ZNF609: variants seen among roughly 807,000 people sequenced by gnomAD.
ZNF609 encodes the protein zinc finger protein 609.
Under a neutral mutation model 109.5 loss-of-function variants are expected in ZNF609, and 11 were observed. The observed-to-expected ratio is 0.10, with a 90% CI of 0.06 to 0.17. ZNF609 has a LOEUF of 0.17. ZNF609 is among the 10% of genes least tolerant of loss of function. The probability of loss-of-function intolerance (pLI) is 1.00; values close to 1 mark genes in which losing one functional copy is unlikely to be tolerated. For synonymous variants in ZNF609, 646 were observed against 662.0 expected (o/e 0.98, Z 0.37); for missense variants, 1,559 against 1,772.4 (o/e 0.88, Z 2.16).
intron 2 of ZNF609, among the ~76,000 whole-genome samples, chr15:64,547,680 G>A (rs1421090508): frequency 1.3e-5 from 2 of 151,774 alleles, no homozygotes; most frequent in South Asian, 4.2e-4. Flanking sequence ...TATTTTGTTA[G>A]TGAGTCCCCA....
chr15:64,670,790 A>G (rs1039101640), intron 4 of ZNF609, among the ~76,000 whole-genome samples: 7 of 151,310 alleles, frequency 4.6e-5, no homozygotes, highest in African/African-American at 1.7e-4. Context: ...AGGCAGGAGA[A>G]TCGCTTGAAC....
At chr15:64,505,055 A>G (rs952822065) in intron 2 of ZNF609, among the ~76,000 whole-genome samples, 1 of 152,236 alleles carries the variant, frequency 6.6e-6, no homozygotes, top group African/African-American at 2.4e-5. Flanking sequence ...CTTGTTTTTC[A>G]CAGTGACTTT....
At chr15:64,678,857 G>C (rs978359867) in intron 6 of ZNF609, among the ~76,000 whole-genome samples, 2 of 152,212 alleles carry the variant, frequency 1.3e-5, no homozygotes, top group African/African-American at 4.8e-5. Flanking sequence ...AAAAGAAGTA[G>C]AGCCATTGAG....
intron 2 of ZNF609, among the ~76,000 whole-genome samples, chr15:64,523,717 C>G (rs2140366240): frequency 6.6e-6 from 1 of 151,302 alleles, no homozygotes; most frequent in East Asian, 1.9e-4. Flanking sequence ...GAGCAGAGAT[C>G]ACGCCACTGC....
chr15:64,499,537 G>A lies in ZNF609; in HGVS notation c.118G>A (p.Ala40Thr), dbSNP rs1389055654. 1.2e-6 allele frequency: 2 copies of A among 1,614,002 alleles called. No individual in the cohort carries two copies. The highest frequency in any genetic ancestry group is 1.7e-5 in the Admixed American group (1 of 59,982). The change falls in exon 2 of 10, where the codon GCC becomes ACC. Residue 40 changes from alanine to threonine, a missense_variant. Around this residue, in one of 4 missense-constraint regions of ZNF609, gnomAD observed 26 missense variants for 58.4 expected, o/e 0.44. Coordinates refer to ENST00000326648, the MANE Select transcript of ZNF609 (RefSeq NM_015042.2). ...GVGNLIIDLD[A>T]DLEKDQQKLE... ...AGGGAATCTCATCATTGACCTGGAC[G>A]CCGATCTGGAAAAGGACCAGCAGAA... is the stretch of plus-strand genomic sequence containing the variant.
At position 64,674,547 on chromosome 15, in the gene ZNF609, G is replaced by A. The variant is rs770136329; in HGVS notation, c.1693G>A (p.Ala565Thr). 3.1e-6 allele frequency: 5 copies of A among 1,613,996 alleles called. No individual in the cohort carries two copies. Among genetic ancestry groups the A allele is most frequent in the Non-Finnish European group, 3.4e-6 (4 of 1,180,030 alleles). Residue 565 changes from alanine (A) to threonine (T), a missense_variant, in exon 5 of 10, where the codon GCT becomes ACT. Physicochemically the swap from Ala to Thr is moderately conservative, Grantham distance 58. Transcript: ENST00000326648. ...QKGSLSPARSATPKVRLVEPH... is the reference protein window; with the variant it reads ...QKGSLSPARSTTPKVRLVEPH... Reference sequence around the variant, plus strand: ...AGGTTCCTTGTCCCCTGCCCGCTCAGCTACCCCCAAAGTTCGACTTGTAGA... The same window carrying A: ...AGGTTCCTTGTCCCCTGCCCGCTCAACTACCCCCAAAGTTCGACTTGTAGA...
At chr15:64,676,288 C>G in intron 5 of ZNF609, 32 bp downstream of exon 5, 1 of 1,557,870 alleles carries the variant, frequency 6.4e-7, no homozygotes, top group Non-Finnish European at 8.7e-7. Context: ...AGTGGAAATA[C>G]CGTATGGTAA....
At position 64,683,156 on chromosome 15, in the gene ZNF609, G is replaced by C. The variant is rs138940773; in HGVS notation, c.*1470G>C. On this transcript the variant is annotated 3_prime_UTR_variant, in exon 10 of 10. Transcript: ENST00000326648. The stretch of plus-strand genomic sequence containing the variant: ...GAGCTTAGCTTACTTGGCTTTTGAG[G>C]TATCATCCCTCTGTTCTCCCCTCCT... 2.3e-4 allele frequency: 35 copies of C among 152,654 alleles called. No homozygotes were observed. Among genetic ancestry groups the C allele is most frequent in the African/African-American group, 8.4e-4 (35 of 41,526 alleles). 9.5% of individuals were successfully genotyped at this position (152,654 alleles called of 1,614,324 possible). A position where few individuals can be genotyped will look rare whatever the true frequency, so the allele number is the denominator to read the frequency against.
chr15:64,523,640 G>C (rs1893925793), intron 2 of ZNF609, among the ~76,000 whole-genome samples: 1 of 151,954 alleles, frequency 6.6e-6, no homozygotes, highest in Admixed American at 6.6e-5. Flanking sequence ...ATGCACACTT[G>C]TAATCCCAGC....
At chr15:64,619,725 C>T (rs945813223) in intron 2 of ZNF609, among the ~76,000 whole-genome samples, 3 of 152,160 alleles carry the variant, frequency 2.0e-5, no homozygotes, top group Non-Finnish European at 4.4e-5. Flanking sequence ...TTAATGAGTT[C>T]CTCATGTGTA....
intron 2 of ZNF609, among the ~76,000 whole-genome samples, chr15:64,598,938 T>C (rs1185910229): frequency 6.6e-6 from 1 of 150,530 alleles, no homozygotes; most frequent in Non-Finnish European, 1.5e-5. Context: ...TACATACTCT[T>C]ACCAACTGGG....
chr15:64,580,533 G>GTTCTT (rs759320801), intron 2 of ZNF609, among the ~76,000 whole-genome samples: 86 of 142,738 alleles, frequency 6.0e-4, no homozygotes, highest in African/African-American at 1.7e-3. Context: ...AACTCTCTCA[G>GTTCTT]TTCTTTTCTT....
At position 64,574,517 on chromosome 15, in the gene ZNF609, G is replaced by T. The variant is rs371827794; in HGVS notation, c.748-48310G>T. Among the ~76,000 whole-genome samples the T allele has an allele frequency of 1.7e-3, 255 of 152,172 alleles. 9 individuals are homozygous for T. In the South Asian group the frequency reaches 0.049, roughly 29 times the overall value. ...CTTTCACTCTTTCTTCCCTTTGTTG[G>T]TGGCTACAGGCAAGTATATGAGAGA... On this transcript the variant is annotated intron_variant, in intron 2 of 9. Transcript: ENST00000326648.
chr15:64,569,630 A>G (rs1400504950), intron 2 of ZNF609, among the ~76,000 whole-genome samples: 1 of 152,230 alleles, frequency 6.6e-6, no homozygotes, highest in Non-Finnish European at 1.5e-5. Context: ...CTGGGGTTAG[A>G]GGGCTCCCTT....
chr15:64,606,604 T>G (rs1049333533), intron 2 of ZNF609, among the ~76,000 whole-genome samples: 1 of 149,110 alleles, frequency 6.7e-6, no homozygotes, highest in Non-Finnish European at 1.5e-5. Flanking sequence ...AGAAACAGGA[T>G]CTCACTGTGT....
At chr15:64,617,776 A>C (rs1377043116) in intron 2 of ZNF609, among the ~76,000 whole-genome samples, 1 of 152,172 alleles carries the variant, frequency 6.6e-6, no homozygotes, top group Non-Finnish European at 1.5e-5. Context: ...GTGAAACTCC[A>C]TCTCAAAAAA....
chr15:64,657,293 A>T (rs1290211286), intron 3 of ZNF609, among the ~76,000 whole-genome samples: 1 of 151,424 alleles, frequency 6.6e-6, no homozygotes, highest in Non-Finnish European at 1.5e-5. Flanking sequence ...AATAATAGGT[A>T]TTATGTATTT....
chr15:64,471,102 C>G (rs1162546393), intron 1 of ZNF609, among the ~76,000 whole-genome samples: 2 of 152,208 alleles, frequency 1.3e-5, no homozygotes, highest in East Asian at 1.9e-4. Context: ...TGGCTCACAC[C>G]TGTAATTCCC....
chr15:64,626,693 C>A (rs1767894572), intron 3 of ZNF609, among the ~76,000 whole-genome samples: 1 of 152,126 alleles, frequency 6.6e-6, no homozygotes, highest in African/African-American at 2.4e-5. Flanking sequence ...TACAGTGTTA[C>A]TTCTTTCTTT....
Sources: gnomAD v4.1 joint callset for allele counts (sites outside exome capture counted in the v4.1 genomes callset) on GRCh38, gnomAD v4.1.1 for gene constraint, gnomAD v4.1.1 regional missense constraint, MANE v1.5 for transcripts, NCBI Gene and HGNC (gene_info 2026-07-23, HGNC 2026-07-21) for gene names.